Variants in MED12L observed in about 807,000 individuals in gnomAD.
The protein encoded by MED12L is mediator of RNA polymerase II transcription subunit 12-like protein.
A neutral mutation model predicts 281.3 loss-of-function variants in MED12L; 60 were observed. The observed-to-expected ratio is 0.21, with a 90% CI of 0.17 to 0.26. The LOEUF (loss-of-function observed/expected upper bound fraction) is 0.26. Among genes scored for constraint, MED12L ranks in the 10% least tolerant of loss-of-function variants. MED12L has a pLI of 1.00. For synonymous variants in MED12L, 974 were observed against 987.2 expected (o/e 0.99, Z 0.25); for missense variants, 2,146 against 2,680.9 (o/e 0.80, Z 4.41).
intron 16 of MED12L, among the ~76,000 whole-genome samples, chr3:151,235,867 T>C (rs1732658012): frequency 6.6e-6 from 1 of 152,124 alleles, no homozygotes. Flanking sequence ...TCATGGCATC[T>C]AACATAGCCA....
At chr3:151,087,064 G>T (rs756756727) in intron 2 of MED12L, 39 bp downstream of exon 2, 2 of 1,533,224 alleles carry the variant, frequency 1.3e-6, no homozygotes, top group South Asian at 2.3e-5. Flanking sequence ...CCGGGGCCGC[G>T]CTCTGCAGCA....
At chr3:151,153,936 G>A (rs949040194) in intron 5 of MED12L, among the ~76,000 whole-genome samples, 2 of 152,074 alleles carry the variant, frequency 1.3e-5, no homozygotes, top group African/African-American at 4.8e-5. Flanking sequence ...AAACTGATGG[G>A]TTGGGGCCTA....
chr3:151,243,985 G>A, intron 16 of MED12L, among the ~76,000 whole-genome samples: 1 of 142,354 alleles, frequency 7.0e-6, no homozygotes, highest in Non-Finnish European at 1.6e-5. Flanking sequence ...TGATAAAACA[G>A]ACTTTAAACC....
chr3:151,109,816 TA>T lies in MED12L; in HGVS notation c.100-6521del, dbSNP rs368976101. ...ATTTTTTCTCTTACTTTCCATGTTG[TA>T]CAACAGGAAGATGTGCAGCCTTTAG... On this transcript the variant is annotated intron_variant, in intron 2 of 44. Transcript: ENST00000687756. Among the ~76,000 whole-genome samples, 16 of 152,354 alleles carry T rather than the reference TA, an allele frequency of 1.1e-4. No individual in the cohort carries two copies. The South Asian group carries it at 3.3e-3, about 32-fold the overall frequency.
chr3:151,100,017 A>G (rs1481786200), intron 2 of MED12L, among the ~76,000 whole-genome samples: 1 of 152,210 alleles, frequency 6.6e-6, no homozygotes, highest in Non-Finnish European at 1.5e-5. Context: ...GACAGTTAAC[A>G]TCGGTGAGAT....
At chr3:151,300,334 C>G in intron 16 of MED12L, 1 of 581,208 alleles carries the variant, frequency 1.7e-6, no homozygotes, top group Non-Finnish European at 3.1e-6. Flanking sequence ...ACACCTGGGC[C>G]ACACAGAGTT....
At chr3:151,283,121 T>C (rs1207691954) in intron 16 of MED12L, among the ~76,000 whole-genome samples, 3 of 152,356 alleles carry the variant, frequency 2.0e-5, no homozygotes, top group Admixed American at 6.5e-5. Context: ...TATCACCCCC[T>C]TCTGGTAGAT....
chr3:151,384,125 C>T lies in MED12L; in HGVS notation c.4833C>T (p.Ile1611=). 6.2e-7 allele frequency: 1 copy of T among 1,613,966 alleles called. No homozygotes were observed. The highest frequency in any genetic ancestry group is 8.5e-7 in the Non-Finnish European group (1 of 1,179,892). Residue 1611 remains isoleucine (I), a synonymous_variant, in exon 35 of 45, where the codon ATC becomes ATT. Coordinates refer to ENST00000687756, the MANE Select transcript of MED12L (RefSeq NM_001393769.1). The part of the protein sequence containing the change: ...TTVLDMLGVL[I]NGTLASDLSN... ...TTCTTGACATGCTGGGTGTTTTAAT[C>T]AATGGAACGTTAGCCTCTGACCTAT...
chr3:151,147,165 C>G, intron 5 of MED12L, among the ~76,000 whole-genome samples: 1 of 152,188 alleles, frequency 6.6e-6, no homozygotes, highest in East Asian at 1.9e-4. Flanking sequence ...ACCATTGACT[C>G]ACAGTCACTC....
At chr3:151,168,831 C>A in intron 11 of MED12L, among the ~76,000 whole-genome samples, 1 of 152,018 alleles carries the variant, frequency 6.6e-6, no homozygotes, top group East Asian at 1.9e-4. Context: ...TCAGCCTCCC[C>A]AGTAGCTGGG....
Position 151,435,266 on chromosome 3 carries a change from G to GTTCT in MED12L, c.*2464_*2467dup, listed in dbSNP as rs1485672339. The GTTCT allele has an allele frequency of 1.3e-5, 2 of 150,068 alleles. No individual in the cohort carries two copies. Among genetic ancestry groups the GTTCT allele is most frequent in the African/African-American group, 4.9e-5 (2 of 40,510 alleles). 9.3% of individuals were successfully genotyped at this position (150,068 alleles called of 1,614,324 possible). On this transcript the variant is annotated 3_prime_UTR_variant, in exon 45 of 45. Transcript: ENST00000687756. ...CAGCTATACCTATCAATCAATCACA[G>GTTCT]TTCTTGGATATAAGAAGCCCATAGA...
At chr3:151,319,231 A>T (rs1327124973) in intron 16 of MED12L, among the ~76,000 whole-genome samples, 1 of 152,174 alleles carries the variant, frequency 6.6e-6, no homozygotes, top group Non-Finnish European at 1.5e-5. Context: ...GCCAGCCCAT[A>T]GCTTTATTAT....
chr3:151,260,207 C>T (rs957450294), intron 16 of MED12L, among the ~76,000 whole-genome samples: 2 of 152,074 alleles, frequency 1.3e-5, no homozygotes, highest in African/African-American at 2.4e-5. Flanking sequence ...AGAAAAGAGC[C>T]GCAACGTCAC....
intron 16 of MED12L, among the ~76,000 whole-genome samples, chr3:151,245,025 T>G (rs1379660040): frequency 6.6e-6 from 1 of 151,854 alleles, no homozygotes; most frequent in African/African-American, 2.4e-5. Flanking sequence ...CTAGAAGAAA[T>G]GGATAAATTC....
chr3:151,371,310 A>G lies in MED12L; in HGVS notation c.3665-1257A>G, dbSNP rs150605932. Among the ~76,000 whole-genome samples the G allele has an allele frequency of 1.4e-4, 22 of 152,304 alleles. No homozygotes were observed. The East Asian group carries it at 4.1e-3, about 28-fold the overall frequency. The stretch of plus-strand genomic sequence containing the variant: ...TAATTTCTACAATGTAACTCAAGGT[A>G]TAGAGGTAGTTGTTTACATCACCTA... On this transcript the variant is annotated intron_variant, in intron 26 of 44. Coordinates refer to ENST00000687756, the MANE Select transcript of MED12L (RefSeq NM_001393769.1).
At chr3:151,360,637 A>T in intron 21 of MED12L, 32 bp downstream of exon 21, 1 of 1,592,268 alleles carries the variant, frequency 6.3e-7, no homozygotes, top group Non-Finnish European at 8.6e-7. Flanking sequence ...GGACAGAAAT[A>T]GGATCATGCC....
intron 16 of MED12L, among the ~76,000 whole-genome samples, chr3:151,283,433 A>G (rs1265388678): frequency 6.6e-6 from 1 of 152,198 alleles, no homozygotes; most frequent in Admixed American, 6.5e-5. Flanking sequence ...TTTTTTGGAA[A>G]GATGCTGAGG....
At chr3:151,198,928 G>A in intron 16 of MED12L, 1 of 1,613,852 alleles carries the variant, frequency 6.2e-7, no homozygotes, top group Non-Finnish European at 8.5e-7. Context: ...TGTCTTTGAT[G>A]GGAATCATCA....
At position 151,259,310 on chromosome 3, in the gene MED12L, C is replaced by T. The variant is rs180927719; in HGVS notation, c.2250+65644C>T. Among the ~76,000 whole-genome samples, 91 of 152,220 alleles carry T rather than the reference C, an allele frequency of 6.0e-4. 1 individual carries two copies. The highest frequency in any genetic ancestry group is 3.2e-4 in the Non-Finnish European group (22 of 68,004). The stretch of plus-strand genomic sequence containing the variant: ...GAACTATGCTATATTTTTCTTAAAG[C>T]CTTTAAGATTTAAGGAGGAATTTTC... On this transcript the variant is annotated intron_variant, in intron 16 of 44. Transcript: ENST00000687756.
Sources: gnomAD v4.1 joint callset for allele counts (sites outside exome capture counted in the v4.1 genomes callset) on GRCh38, gnomAD v4.1.1 for gene constraint, MANE v1.5 for transcripts, NCBI Gene and HGNC (gene_info 2026-07-23, HGNC 2026-07-21) for gene names.